Variants in ANKRD22 observed in about 807,000 individuals in gnomAD.
The protein encoded by ANKRD22 is ankyrin repeat domain 22, also known as ankyrin repeat domain-containing protein 22.
In ANKRD22, 24 loss-of-function variants were observed where a neutral mutation model predicts 25.7. That is an observed-to-expected ratio of 0.93 (90% CI 0.68 to 1.31). The LOEUF is 1.31. Among genes scored for constraint, ANKRD22 ranks in the 50% most tolerant of loss-of-function variants. The pLI is 0.00. For synonymous variants in ANKRD22, 84 were observed against 84.3 expected, an observed-to-expected ratio of 1.00 and a Z score of 0.02; for missense variants, 214 against 227.1, an observed-to-expected ratio of 0.94 and a Z score of 0.37.
At chr10:88,823,178 C>T (rs1171873035) in intron 5 of ANKRD22, 102 bp downstream of exon 5, 2 of 1,269,848 alleles carry the variant, frequency 1.6e-6, no homozygotes, top group Non-Finnish European at 1.1e-6. Flanking sequence ...ATTAATTTTA[C>T]TGTTGTTTAC....
chr10:88,843,794 A>C (rs1216040927), intron 1 of ANKRD22, among the ~76,000 whole-genome samples: 2 of 152,172 alleles, frequency 1.3e-5, no homozygotes, highest in African/African-American at 2.4e-5. Context: ...TGGAGAAAAC[A>C]AATGTTTTAT....
intron 1 of ANKRD22, among the ~76,000 whole-genome samples, chr10:88,842,801 A>C (rs1474967812): frequency 1.3e-5 from 2 of 152,104 alleles, no homozygotes; most frequent in Non-Finnish European, 2.9e-5. Context: ...ACAGGAAAAA[A>C]ATATCAGTAA....
chr10:88,832,673 T>C (rs117578376), intron 1 of ANKRD22, among the ~76,000 whole-genome samples: 600 of 152,020 alleles, frequency 3.9e-3, no homozygotes, highest in Admixed American at 8.2e-3. Context: ...GAAAAGACAG[T>C]TTTTTAGGCA....
Position 88,820,313 on chromosome 10 carries a change from C to A in ANKRD22, c.*2628G>T, listed in dbSNP as rs1488165850. On this transcript the variant is annotated 3_prime_UTR_variant, in exon 6 of 6. Coordinates refer to ENST00000371930, the MANE Select transcript of ANKRD22 (RefSeq NM_144590.3). ...AGGAGGTCAGGACTGGCTTTCAAAT[C>A]CAGAAGACGTGAAAATGCTGCTCTC... is the stretch of plus-strand genomic sequence containing the variant. The A allele has an allele frequency of 1.3e-6, 2 of 1,552,152 alleles. No homozygotes were observed. The highest frequency in any genetic ancestry group is 1.7e-6 in the Non-Finnish European group (2 of 1,147,078).
intron 3 of ANKRD22, 70 bp from the exon 4 acceptor site, chr10:88,826,185 T>G: frequency 7.7e-7 from 1 of 1,303,666 alleles, no homozygotes; most frequent in Non-Finnish European, 1.1e-6. Context: ...CTGAGACTAT[T>G]TAATCAATAG....
At position 88,828,680 on chromosome 10, in the gene ANKRD22, A is replaced by G. The variant is rs553477375; in HGVS notation, c.214-14T>C. 5.2e-6 allele frequency: 8 copies of G among 1,541,412 alleles called. No homozygotes were observed. The Admixed American group carries it at 1.4e-4, about 26-fold the overall frequency. ...GGTTCTCTCTTTCTAAAAATTAAGA[A>G]AAGGATTCTTTACTAATAAAGCATT... On this transcript the variant is annotated splice_polypyrimidine_tract_variant and intron_variant, in intron 2 of 5. Transcript: ENST00000371930.
At position 88,820,762 on chromosome 10, in the gene ANKRD22, T is replaced by C. The variant is rs1347929397; in HGVS notation, c.*2179A>G. Among the ~76,000 whole-genome samples, 1 of 152,184 alleles carries C rather than the reference T, an allele frequency of 6.6e-6. No homozygotes were observed. The highest frequency in any genetic ancestry group is 1.5e-5 in the Non-Finnish European group (1 of 68,036). On this transcript the variant is annotated 3_prime_UTR_variant, in exon 6 of 6. Transcript: ENST00000371930. ...ATAGCCAGAAAATATCTAGACATTC[T>C]CTATATCATTCAGGTAAATCTCTTT...
chr10:88,835,202 G>C (rs568870699), intron 1 of ANKRD22, among the ~76,000 whole-genome samples: 1 of 152,142 alleles, frequency 6.6e-6, no homozygotes, highest in Non-Finnish European at 1.5e-5. Context: ...GAGTTGTTCT[G>C]CAAGAGTCAC....
intron 1 of ANKRD22, among the ~76,000 whole-genome samples, chr10:88,840,592 G>C (rs1444940684): frequency 6.6e-6 from 1 of 152,124 alleles, no homozygotes; most frequent in Non-Finnish European, 1.5e-5. Context: ...CCATCTCCAT[G>C]CTACAAGCTC....
In ANKRD22 at chr10:88,821,961, G is replaced by C. The variant is rs1312804973; in HGVS notation, c.*980C>G. ...ATTGTATAGCTCTGTTTCTTTTGAA[G>C]AACTTTATCCAAATAAGTTACAATA... On this transcript the variant is annotated 3_prime_UTR_variant, in exon 6 of 6. Coordinates refer to ENST00000371930, the MANE Select transcript of ANKRD22 (RefSeq NM_144590.3). Among the ~76,000 whole-genome samples the C allele has an allele frequency of 6.6e-6, 1 of 152,140 alleles. No individual in the cohort carries two copies. Among genetic ancestry groups the C allele is most frequent in the Non-Finnish European group, 1.5e-5 (1 of 68,000 alleles).
intron 3 of ANKRD22, 42 bp downstream of exon 3, chr10:88,828,517 G>T: frequency 7.1e-7 from 1 of 1,400,764 alleles, no homozygotes; most frequent in Non-Finnish European, 1.0e-6. Context: ...TCACACCATC[G>T]ATCTCCACAT....
chr10:88,851,813 C>G lies in ANKRD22; in HGVS notation c.-206G>C, dbSNP rs1844108055. Reference sequence around the variant, plus strand: ...GCAGCACACCTTCCAGAGAGCCCAGCCCAATGAAACAAAGGCACTGGTGTC... The same window carrying G: ...GCAGCACACCTTCCAGAGAGCCCAGGCCAATGAAACAAAGGCACTGGTGTC... On this transcript the variant is annotated 5_prime_UTR_variant, in exon 1 of 6. Coordinates refer to ENST00000371930, the MANE Select transcript of ANKRD22 (RefSeq NM_144590.3). 3.4e-6 allele frequency: 2 copies of G among 581,018 alleles called. No homozygotes were observed. The highest frequency in any genetic ancestry group is 4.1e-5 in the South Asian group (2 of 49,308). 36.0% of individuals were successfully genotyped at this position (581,018 alleles called of 1,614,324 possible). A position where few individuals can be genotyped will look rare whatever the true frequency, so the allele number is the denominator to read the frequency against.
rs922467413 is a variant in ANKRD22 at position 88,820,281 on chromosome 10, T to A, written c.*2660A>T. On this transcript the variant is annotated 3_prime_UTR_variant, in exon 6 of 6. Transcript: ENST00000371930. ...AGAGATATGACGGTCCCTACAGCAA[T>A]GTGGACAGGAGGTCAGGACTGGCTT... 10 of 1,551,892 alleles carry A rather than the reference T, an allele frequency of 6.4e-6. No individual in the cohort carries two copies. The highest frequency in any genetic ancestry group is 8.7e-6 in the Non-Finnish European group (10 of 1,147,080).
rs1258538196 is a variant in ANKRD22, at chr10:88,822,168, T to C, written c.*773A>G. On this transcript the variant is annotated 3_prime_UTR_variant, in exon 6 of 6. Coordinates refer to ENST00000371930, the MANE Select transcript of ANKRD22 (RefSeq NM_144590.3). The stretch of plus-strand genomic sequence containing the variant: ...TAGTGGTATGCTGGTAAACGAACTT[T>C]ATGGAAAGTAAAAAACAAAAAAACA... The C allele has an allele frequency of 6.6e-6, 1 of 152,164 alleles. No individual in the cohort carries two copies. The highest frequency in any genetic ancestry group is 1.5e-5 in the Non-Finnish European group (1 of 68,030). 9.4% of individuals were successfully genotyped at this position (152,164 alleles called of 1,614,324 possible).
In ANKRD22 at chr10:88,821,935, C is replaced by A. The variant is rs2133067365; in HGVS notation, c.*1006G>T. ...TAGACAAATAATCCAGATCCTACCT[C>A]ATTGTATAGCTCTGTTTCTTTTGAA... is the stretch of plus-strand genomic sequence containing the variant. On this transcript the variant is annotated 3_prime_UTR_variant, in exon 6 of 6. Coordinates refer to ENST00000371930, the MANE Select transcript of ANKRD22 (RefSeq NM_144590.3). 6.6e-6 allele frequency among the ~76,000 whole-genome samples: 1 copy of A among 152,342 alleles called. No individual in the cohort carries two copies. The highest frequency in any genetic ancestry group is 1.5e-5 in the Non-Finnish European group (1 of 68,016).
In ANKRD22 at chr10:88,821,277, T is replaced by G. The variant is rs1033318301; in HGVS notation, c.*1664A>C. Among the ~76,000 whole-genome samples the G allele has an allele frequency of 2.0e-5, 3 of 152,366 alleles. No homozygotes were observed. The highest frequency in any genetic ancestry group is 1.3e-4 in the Admixed American group (2 of 15,312). ...AGAAAATTGCATAATGTCATGAGCA[T>G]GATGAAACAAATTGTCATATACTTT... On this transcript the variant is annotated 3_prime_UTR_variant, in exon 6 of 6. Transcript: ENST00000371930.
rs1423454846 is a variant in ANKRD22, at chr10:88,826,100, G to T, written c.337C>A (p.Gln113Lys). ...GYFLMVSKTK[Q>K]NEALVRMLLD... ...AGCATTCGTACAAGAGCCTCATTCT[G>T]CTTTGTCTTTGATACCTATTACAAA... The change falls in exon 4 of 6, where the codon CAG becomes AAG. Residue 113 changes from glutamine to lysine, a missense_variant. Coordinates refer to ENST00000371930, the MANE Select transcript of ANKRD22 (RefSeq NM_144590.3). 6.2e-7 allele frequency: 1 copy of T among 1,611,878 alleles called. No individual in the cohort carries two copies.
At position 88,849,569 on chromosome 10, in the gene ANKRD22, C is replaced by T. The variant is rs74838835; in HGVS notation, c.21+2018G>A. Among the ~76,000 whole-genome samples the T allele has an allele frequency of 9.8e-3, 1,498 of 152,198 alleles. 28 individuals carry two copies. Among genetic ancestry groups the T allele is most frequent in the African/African-American group, 0.035 (1,439 of 41,546 alleles). ...CTGTGTAACTATGAGCCAGTGACTA[C>T]CTTTTCCTCAGTTTCTTCATTTGTA... On this transcript the variant is annotated intron_variant, in intron 1 of 5. Coordinates refer to ENST00000371930, the MANE Select transcript of ANKRD22 (RefSeq NM_144590.3).
rs1317579453 is a variant in ANKRD22 at position 88,848,926 on chromosome 10, T to C, written c.21+2661A>G. Among the ~76,000 whole-genome samples, 3 of 152,190 alleles carry C rather than the reference T, an allele frequency of 2.0e-5. No homozygotes were observed. In the East Asian group the frequency reaches 5.8e-4, roughly 29 times the overall value. On this transcript the variant is annotated intron_variant, in intron 1 of 5. Transcript: ENST00000371930. ...TCTGTTTTTTGAACTATATTTCCTT[T>C]TTCTGTAGTAACATCAGCTTCTCTG...
Sources: allele counts gnomAD v4.1 joint callset (sites outside exome capture counted in the v4.1 genomes callset), GRCh38; gene constraint gnomAD v4.1.1; transcripts MANE v1.5; gene names NCBI Gene and HGNC (gene_info 2026-07-23, HGNC 2026-07-21).